Variants in RPUSD3 observed in about 807,000 individuals in gnomAD.
RPUSD3 encodes RNA pseudouridine synthase D3.
In RPUSD3, 36 loss-of-function variants were observed where a neutral mutation model predicts 35.1. That is an observed-to-expected ratio of 1.02 (90% CI 0.79 to 1.35). The LOEUF is 1.35. RPUSD3 is among the 40% of genes most tolerant of loss of function. The pLI, the probability that RPUSD3 is intolerant of heterozygous loss-of-function variation, is 0.00. For missense variants in RPUSD3, 486 were observed against 441.9 expected (o/e 1.10, Z -0.89); for synonymous variants, 202 against 187.8 (o/e 1.08, Z -0.62).
exon 5 of RPUSD3, chr3:9,840,737 G>C (rs1197246474): frequency 6.2e-7 from 1 of 1,614,178 alleles, no homozygotes; most frequent in Middle Eastern, 1.6e-4. Flanking sequence ...CCGTGCATGG[G>C]TGAAGTACTT....
intron 2 of RPUSD3, 106 bp downstream of exon 2, chr3:9,843,359 T>G: frequency 6.6e-7 from 1 of 1,510,786 alleles, no homozygotes; most frequent in Non-Finnish European, 9.0e-7. Flanking sequence ...ATGCTGCTAG[T>G]GGGAGGCAGA....
At chr3:9,842,071 C>T in exon 4 of RPUSD3, 3 of 1,610,366 alleles carry the variant, frequency 1.9e-6, no homozygotes, top group Non-Finnish European at 2.5e-6. Context: ...AACGTCAGCT[C>T]TCCTGGTTTT....
exon 8 of RPUSD3, chr3:9,839,106 A>T: frequency 6.2e-7 from 1 of 1,614,196 alleles, no homozygotes. Flanking sequence ...CGGGCAGAGT[A>T]CATGTGGTCC....
Position 9,840,203 on chromosome 3 carries a change from G to A in RPUSD3, c.705C>T (p.Val235=), listed in dbSNP as rs771031307. The change falls in exon 7 of 9, where the codon GTC becomes GTT. Residue 235 remains valine (V), a synonymous_variant. Transcript: ENST00000383820. The stretch of plus-strand genomic sequence containing the variant: ...ACCTACCTGTCAGTGGCTGCAGCTG[G>A]ACCAGGGCACAGCCAGAGCCTGTGG... The A allele has an allele frequency of 2.5e-6, 4 of 1,613,432 alleles. No individual in the cohort carries two copies. The East Asian group carries it at 6.7e-5, about 27-fold the overall frequency.
At chr3:9,839,484 G>A (rs1286195301) in intron 7 of RPUSD3, 2 of 224,826 alleles carry the variant, frequency 8.9e-6, no homozygotes, top group Admixed American at 1.1e-4. Flanking sequence ...CCTCTAGCTG[G>A]GCCTGGTCAC....
chr3:9,838,349 C>CTGTGTGCAAAG, intron 8 of RPUSD3, 142 bp from the exon 9 acceptor site: 3 of 772,972 alleles, frequency 3.9e-6, no homozygotes, highest in Non-Finnish European at 6.2e-6. Flanking sequence ...TCTTTGCACA[C>CTGTGTGCAAAG]AGATGTGCAC....
chr3:9,838,026 CG>C lies in RPUSD3; in HGVS notation c.1045del (p.Arg349AlafsTer18). On this transcript the variant is annotated frameshift_variant, in exon 9 of 9. Coordinates refer to ENST00000383820, the Ensembl canonical transcript of RPUSD3. LOFTEE classifies it high-confidence loss of function. Reference sequence around the variant, plus strand: ...GGAACAGAGGGAGGACTATTGTAAGCGGAGCCCCAGGCACTGTAGGGTCCTG... The same window carrying C: ...GGAACAGAGGGAGGACTATTGTAAGCGAGCCCCAGGCACTGTAGGGTCCTG... 1 of 1,569,276 alleles carries C rather than the reference CG, an allele frequency of 6.4e-7. No individual in the cohort carries two copies. Among genetic ancestry groups the C allele is most frequent in the Non-Finnish European group, 8.7e-7 (1 of 1,155,720 alleles).
At chr3:9,842,860 C>T (rs1442199176) in intron 2 of RPUSD3, 2 of 154,432 alleles carry the variant, frequency 1.3e-5, no homozygotes, top group African/African-American at 2.4e-5. Context: ...ACTCCAAAGC[C>T]TGTGTTTTGT....
Position 9,842,164 on chromosome 3 carries a change from C to T in RPUSD3, c.307+35G>A, listed in dbSNP as rs779921398. ...CCTCCCTCAGTCACGAAACCCCCTT[C>T]CGCTGCATTCCCTTCCCACATCCCC... On this transcript the variant is annotated intron_variant, in intron 3 of 8. Coordinates refer to ENST00000383820, the Ensembl canonical transcript of RPUSD3. 6 of 1,614,020 alleles carry T rather than the reference C, an allele frequency of 3.7e-6. No homozygotes were observed. The South Asian group carries it at 5.5e-5, about 15-fold the overall frequency.
At chr3:9,839,267 C>T (rs1295076881) in intron 7 of RPUSD3, 96 bp from the exon 8 acceptor site, 5 of 1,420,236 alleles carry the variant, frequency 3.5e-6, no homozygotes, top group African/African-American at 2.8e-5. Context: ...AAACACCACC[C>T]CCTTTCTCAG....
At chr3:9,843,985 G>T in exon 1 of RPUSD3, 3 of 1,599,670 alleles carry the variant, frequency 1.9e-6, no homozygotes, top group South Asian at 1.1e-5. Flanking sequence ...CACGGCGGCC[G>T]TCCATCTCCC....
chr3:9,838,907 G>T, intron 8 of RPUSD3, 125 bp downstream of exon 8: 1 of 1,330,594 alleles, frequency 7.5e-7, no homozygotes, highest in Non-Finnish European at 1.0e-6. Context: ...TACGGATACA[G>T]CCTTGGGAGC....
intron 6 of RPUSD3, 112 bp downstream of exon 6, chr3:9,840,420 T>C (rs564254373): frequency 6.2e-7 from 1 of 1,606,606 alleles, no homozygotes; most frequent in East Asian, 2.2e-5. Flanking sequence ...AGTGGTCACT[T>C]GCCTGTTTTA....
chr3:9,838,977 A>G, intron 8 of RPUSD3, 55 bp downstream of exon 8: 1 of 1,612,232 alleles, frequency 6.2e-7, no homozygotes, highest in Non-Finnish European at 8.5e-7. Context: ...GATGCTGCCC[A>G]TGCTCACCTC....
intron 3 of RPUSD3, 50 bp from the exon 4 acceptor site, chr3:9,842,132 A>G: frequency 6.2e-7 from 1 of 1,611,930 alleles, no homozygotes; most frequent in Non-Finnish European, 8.5e-7. Flanking sequence ...TCATGCCTTC[A>G]CTTTTCCCTC....
At chr3:9,838,281 G>A in intron 8 of RPUSD3, 74 bp from the exon 9 acceptor site, 2 of 1,490,530 alleles carry the variant, frequency 1.3e-6, no homozygotes, top group Non-Finnish European at 1.8e-6. Context: ...TAAGGGAAAT[G>A]GGAGTAAGGC....
chr3:9,839,397 C>A, intron 7 of RPUSD3: 1 of 467,400 alleles, frequency 2.1e-6, no homozygotes. Flanking sequence ...TGATGAGATG[C>A]AACCCTGATT....
exon 8 of RPUSD3, chr3:9,839,080 C>T (rs775537587): frequency 1.2e-6 from 2 of 1,614,220 alleles, no homozygotes; most frequent in East Asian, 4.5e-5. Flanking sequence ...ATCGCTGGCC[C>T]AGGACAGTGC....
exon 6 of RPUSD3, chr3:9,840,540 C>A: frequency 6.2e-7 from 1 of 1,614,060 alleles, no homozygotes; most frequent in Non-Finnish European, 8.5e-7. Context: ...ACGAGATTGA[C>A]CCCATCAATG....
Sources: allele counts gnomAD v4.1 joint callset, GRCh38; gene constraint gnomAD v4.1.1; transcripts MANE v1.5; gene names NCBI Gene and HGNC (gene_info 2026-07-23, HGNC 2026-07-21).